SIK2: variants seen among roughly 807,000 people sequenced by gnomAD.
The protein encoded by SIK2 is serine/threonine-protein kinase SIK2.
A neutral mutation model predicts 103.2 loss-of-function variants in SIK2; 29 were observed. The observed-to-expected ratio is 0.28, with a 90% CI of 0.21 to 0.38. SIK2 has a LOEUF of 0.38. Among genes scored for constraint, SIK2 ranks in the 10% least tolerant of loss-of-function variants. SIK2 has a pLI of 1.00. For synonymous variants in SIK2, 412 were observed against 446.1 expected (o/e 0.92, Z 0.96); for missense variants, 879 against 1,171.0 (o/e 0.75, Z 3.64).
At chr11:111,636,748 TTGTC>T (rs1221925717) in intron 3 of SIK2, among the ~76,000 whole-genome samples, 17 of 152,252 alleles carry the variant, frequency 1.1e-4, no homozygotes, top group Admixed American at 6.5e-4. Context: ...ACAGAGTAGT[TTGTC>T]TGGGAATAGA....
intron 1 of SIK2, among the ~76,000 whole-genome samples, chr11:111,613,381 G>A (rs1288905025): frequency 6.6e-6 from 1 of 152,052 alleles, no homozygotes; most frequent in Non-Finnish European, 1.5e-5. Context: ...GGCAGGGGGT[G>A]CTGATATATA....
Position 111,727,071 on chromosome 11 carries a change from A to G in SIK2, c.*2942A>G. On this transcript the variant is annotated 3_prime_UTR_variant, in exon 15 of 15. Transcript: ENST00000304987. ...ATACACTGGTCCCTGTAAGGCAAAC[A>G]GCATGTTAGCCCGACAGGAAGAGGG... 1.2e-6 allele frequency: 2 copies of G among 1,609,758 alleles called. No homozygotes were observed. Among genetic ancestry groups the G allele is most frequent in the Non-Finnish European group, 1.7e-6 (2 of 1,176,344 alleles).
At chr11:111,695,130 T>C (rs1219089973) in intron 4 of SIK2, among the ~76,000 whole-genome samples, 2 of 152,236 alleles carry the variant, frequency 1.3e-5, no homozygotes, top group Non-Finnish European at 2.9e-5. Context: ...TTTGTCAGCT[T>C]TCATTTCCTC....
chr11:111,646,783 G>C (rs1158016936), intron 3 of SIK2, among the ~76,000 whole-genome samples: 1 of 152,170 alleles, frequency 6.6e-6, no homozygotes, highest in Non-Finnish European at 1.5e-5. Flanking sequence ...GGTGATGCTT[G>C]TATCTGTGAT....
At chr11:111,708,106 G>A (rs1178472806) in intron 8 of SIK2, among the ~76,000 whole-genome samples, 1 of 152,176 alleles carries the variant, frequency 6.6e-6, no homozygotes, top group African/African-American at 2.4e-5. Flanking sequence ...TTATGACAGG[G>A]CACAGTTGCT....
In SIK2 at chr11:111,615,883, G is replaced by T. The variant is rs117020710; in HGVS notation, c.136-360G>T. Among the ~76,000 whole-genome samples the T allele has an allele frequency of 6.6e-3, 1,001 of 152,200 alleles. 8 individuals are homozygous for T. Among genetic ancestry groups the T allele is most frequent in the Middle Eastern group, 0.054 (16 of 294 alleles). Reference sequence around the variant, plus strand: ...CTGTCTTCTACTTTGCTGATCATTTGTTTATAGGTACTTCACAGCAGGATA... The same window carrying T: ...CTGTCTTCTACTTTGCTGATCATTTTTTTATAGGTACTTCACAGCAGGATA... On this transcript the variant is annotated intron_variant, in intron 1 of 14. Transcript: ENST00000304987.
At chr11:111,611,841 A>T (rs1290322840) in intron 1 of SIK2, among the ~76,000 whole-genome samples, 2 of 152,182 alleles carry the variant, frequency 1.3e-5, no homozygotes, top group Non-Finnish European at 2.9e-5. Flanking sequence ...CTATGTTGAG[A>T]ACTAAATAAG....
At chr11:111,710,423 T>C (rs940134899) in intron 8 of SIK2, among the ~76,000 whole-genome samples, 3 of 152,242 alleles carry the variant, frequency 2.0e-5, no homozygotes, top group Non-Finnish European at 2.9e-5. Flanking sequence ...CCAGTGATAT[T>C]AATATTGGAA....
chr11:111,691,662 GCAGA>G (rs945236555), intron 4 of SIK2, among the ~76,000 whole-genome samples: 3 of 152,120 alleles, frequency 2.0e-5, no homozygotes, highest in African/African-American at 7.2e-5. Flanking sequence ...TTCATTACAA[GCAGA>G]CACACACACA....
chr11:111,707,791 C>T (rs775574585), intron 8 of SIK2, among the ~76,000 whole-genome samples: 29 of 152,088 alleles, frequency 1.9e-4, no homozygotes, highest in Non-Finnish European at 3.2e-4. Context: ...ACAACATGAT[C>T]CAGTCAATAC....
chr11:111,699,063 C>T (rs536742520), intron 4 of SIK2, among the ~76,000 whole-genome samples: 209 of 152,200 alleles, frequency 1.4e-3, no homozygotes, highest in African/African-American at 4.9e-3. Flanking sequence ...ATATGATGTT[C>T]TAGGAGTGGT....
In SIK2 at chr11:111,703,192, G is replaced by T; in HGVS notation, c.728-11G>T. 6.2e-7 allele frequency: 1 copy of T among 1,613,180 alleles called. No homozygotes were observed. The highest frequency in any genetic ancestry group is 8.5e-7 in the Non-Finnish European group (1 of 1,179,508). On this transcript the variant is annotated splice_polypyrimidine_tract_variant and intron_variant, in intron 6 of 14. Coordinates refer to ENST00000304987, the MANE Select transcript of SIK2 (RefSeq NM_015191.3). Reference sequence around the variant, plus strand: ...ATTCTTGTGACTTTTGTAACATTGTGTTTTCTATAGATTGCGAGCACCTTA... The same window carrying T: ...ATTCTTGTGACTTTTGTAACATTGTTTTTTCTATAGATTGCGAGCACCTTA...
At chr11:111,712,683 T>G (rs553307413) in intron 9 of SIK2, among the ~76,000 whole-genome samples, 10 of 152,096 alleles carry the variant, frequency 6.6e-5, no homozygotes, top group Admixed American at 2.6e-4. Context: ...GTGTTTGGTT[T>G]GTTTGTTTGT....
intron 1 of SIK2, among the ~76,000 whole-genome samples, chr11:111,614,480 A>G (rs1008668183): frequency 1.3e-5 from 2 of 152,232 alleles, no homozygotes; most frequent in African/African-American, 4.8e-5. Flanking sequence ...TGTTACATGC[A>G]TTATATACTT....
At chr11:111,656,147 G>T (rs943524636) in intron 3 of SIK2, among the ~76,000 whole-genome samples, 2 of 151,978 alleles carry the variant, frequency 1.3e-5, no homozygotes, top group Non-Finnish European at 2.9e-5. Flanking sequence ...CCAAGATTGC[G>T]CCACTGCACT....
intron 12 of SIK2, among the ~76,000 whole-genome samples, chr11:111,721,447 CA>C (rs1013788674): frequency 3.3e-5 from 5 of 152,194 alleles, no homozygotes; most frequent in African/African-American, 1.2e-4. Context: ...GATGTGGTAT[CA>C]CTTTAGTAAA....
chr11:111,718,013 G>C lies in SIK2; in HGVS notation c.1267-1762G>C, dbSNP rs149342413. 2.4e-3 allele frequency among the ~76,000 whole-genome samples: 363 copies of C among 152,070 alleles called. 13 individuals are homozygous for C. The East Asian group carries it at 0.063, about 27-fold the overall frequency. ...GTTGACAGGTGCAGCAAACCACCAT[G>C]ACACACGTTTACCTATGTAACAAAC... On this transcript the variant is annotated intron_variant, in intron 9 of 14. Coordinates refer to ENST00000304987, the MANE Select transcript of SIK2 (RefSeq NM_015191.3).
intron 3 of SIK2, among the ~76,000 whole-genome samples, chr11:111,633,277 C>T (rs969413156): frequency 1.4e-4 from 21 of 151,954 alleles, no homozygotes; most frequent in Non-Finnish European, 1.9e-4. Context: ...CTCTTTCCTG[C>T]ACAACTCATT....
Position 111,719,787 on chromosome 11 carries a change from C to A in SIK2, c.1279C>A (p.Leu427Met), listed in dbSNP as rs1444978377. 6.2e-7 allele frequency: 1 copy of A among 1,613,336 alleles called. No homozygotes were observed. The highest frequency in any genetic ancestry group is 2.2e-5 in the East Asian group (1 of 44,878). The stretch of plus-strand genomic sequence containing the variant: ...CCCTGGCGTTTAGGTCAATGGCTGT[C>A]TGCTTGACCCTGTGCCTCCTGTCCT... ...CVDTPKVNGC[L>M]LDPVPPVLVR... The change falls in exon 10 of 15, where the codon CTG becomes ATG. Residue 427 changes from leucine to methionine, a missense_variant. Around this residue, in one of 7 missense-constraint regions of SIK2, gnomAD observed 222 missense variants for 258.0 expected, o/e 0.86. Transcript: ENST00000304987.
Sources: gnomAD v4.1 joint callset for allele counts (sites outside exome capture counted in the v4.1 genomes callset) on GRCh38, gnomAD v4.1.1 for gene constraint, gnomAD v4.1.1 regional missense constraint, MANE v1.5 for transcripts, NCBI Gene and HGNC (gene_info 2026-07-23, HGNC 2026-07-21) for gene names.